Variants in PKIA observed in about 807,000 individuals in gnomAD.
PKIA encodes the protein PKI-alpha.
PKIA carries 4 observed loss-of-function variants against 7.6 expected under a neutral mutation model. The observed-to-expected ratio is 0.52, with a 90% CI of 0.26 to 1.20. PKIA has a LOEUF of 1.20. Ranked by LOEUF, PKIA falls within the 50% of genes most tolerant of loss-of-function variation. The pLI is 0.13. For synonymous variants in PKIA, 21 were observed against 30.7 expected (o/e 0.68, Z 1.04); for missense variants, 73 against 86.2 (o/e 0.85, Z 0.61).
intron 1 of PKIA, among the ~76,000 whole-genome samples, chr8:78,562,941 A>AT (rs1333714947): frequency 6.6e-6 from 1 of 152,180 alleles, no homozygotes; most frequent in Non-Finnish European, 1.5e-5. Flanking sequence ...GAGAGACACT[A>AT]TGAAAAAAAT....
At chr8:78,580,201 T>A (rs1394194904) in intron 2 of PKIA, among the ~76,000 whole-genome samples, 1 of 152,060 alleles carries the variant, frequency 6.6e-6, no homozygotes, top group East Asian at 1.9e-4. Flanking sequence ...TGCTATAAAA[T>A]GATGCATACA....
chr8:78,550,604 C>T (rs1806958027), intron 1 of PKIA, among the ~76,000 whole-genome samples: 2 of 152,040 alleles, frequency 1.3e-5, no homozygotes, highest in Admixed American at 1.3e-4. Context: ...AAAAGACAGA[C>T]ACTCCCCTGA....
chr8:78,544,878 C>A (rs1186166058), intron 1 of PKIA, among the ~76,000 whole-genome samples: 1 of 152,010 alleles, frequency 6.6e-6, no homozygotes, highest in Non-Finnish European at 1.5e-5. Context: ...AAAATGTTAC[C>A]TGCAGATTTA....
chr8:78,559,629 G>A (rs1056273968), intron 1 of PKIA, among the ~76,000 whole-genome samples: 1 of 152,178 alleles, frequency 6.6e-6, no homozygotes, highest in African/African-American at 2.4e-5. Context: ...AAATGTCTGT[G>A]TGATGGAGAT....
chr8:78,563,701 C>T (rs772394984), intron 1 of PKIA, among the ~76,000 whole-genome samples: 2 of 151,788 alleles, frequency 1.3e-5, no homozygotes, highest in Non-Finnish European at 2.9e-5. Context: ...AGAAAGTAAA[C>T]TATTGAGTAA....
At chr8:78,523,909 CAT>C (rs1483928155) in intron 1 of PKIA, among the ~76,000 whole-genome samples, 2 of 130,456 alleles carry the variant, frequency 1.5e-5, no homozygotes, top group Non-Finnish European at 1.6e-5. Flanking sequence ...TATATTTATA[CAT>C]ATATATTTAT....
intron 2 of PKIA, among the ~76,000 whole-genome samples, chr8:78,580,600 A>G (rs1474154957): frequency 6.6e-6 from 1 of 152,056 alleles, no homozygotes; most frequent in Non-Finnish European, 1.5e-5. Context: ...GGAGAAGGAC[A>G]TCTACATGGG....
chr8:78,555,437 C>A (rs1807105521), intron 1 of PKIA, among the ~76,000 whole-genome samples: 1 of 151,970 alleles, frequency 6.6e-6, no homozygotes, highest in Admixed American at 6.6e-5. Flanking sequence ...GGCAAAGAGA[C>A]AAGAGTCTGC....
intron 1 of PKIA, among the ~76,000 whole-genome samples, chr8:78,546,278 C>G (rs1396126851): frequency 6.6e-6 from 1 of 152,076 alleles, no homozygotes; most frequent in African/African-American, 2.4e-5. Context: ...GGAGACCTTT[C>G]GGTATCTTGC....
chr8:78,573,981 A>C (rs1397056664), intron 2 of PKIA, among the ~76,000 whole-genome samples: 1 of 152,030 alleles, frequency 6.6e-6, no homozygotes, highest in Non-Finnish European at 1.5e-5. Context: ...TCTAGTTCTG[A>C]GACTGCTTTT....
intron 2 of PKIA, among the ~76,000 whole-genome samples, chr8:78,574,942 G>T (rs1807638476): frequency 6.6e-6 from 1 of 151,864 alleles, no homozygotes; most frequent in African/African-American, 2.4e-5. Flanking sequence ...TCATTAGGTA[G>T]CATAAAGTTC....
chr8:78,565,740 C>T (rs994914692), intron 1 of PKIA, among the ~76,000 whole-genome samples: 3 of 151,706 alleles, frequency 2.0e-5, no homozygotes, highest in Non-Finnish European at 4.4e-5. Flanking sequence ...GTTTCTTTTA[C>T]AGGACCAGAT....
At chr8:78,559,168 C>A (rs147706928) in intron 1 of PKIA, among the ~76,000 whole-genome samples, 1 of 152,074 alleles carries the variant, frequency 6.6e-6, no homozygotes, top group South Asian at 2.1e-4. Context: ...GTGATCCACC[C>A]GCCTCGGCCT....
At chr8:78,552,029 T>TA (rs1367969276) in intron 1 of PKIA, among the ~76,000 whole-genome samples, 3 of 151,568 alleles carry the variant, frequency 2.0e-5, no homozygotes, top group African/African-American at 7.3e-5. Flanking sequence ...CCTATCTGGT[T>TA]AAAAAAAATT....
At chr8:78,538,378 C>T (rs1217811199) in intron 1 of PKIA, among the ~76,000 whole-genome samples, 1 of 152,000 alleles carries the variant, frequency 6.6e-6, no homozygotes, top group Non-Finnish European at 1.5e-5. Context: ...AATGAGTTTT[C>T]TTGAAAGTCA....
intron 1 of PKIA, among the ~76,000 whole-genome samples, chr8:78,560,180 G>C (rs1807251617): frequency 6.6e-6 from 1 of 152,068 alleles, no homozygotes. Context: ...AGCAGAATCT[G>C]GGAATTTGCA....
chr8:78,539,286 G>A (rs921378024), intron 1 of PKIA, among the ~76,000 whole-genome samples: 12 of 152,074 alleles, frequency 7.9e-5, no homozygotes, highest in African/African-American at 9.7e-5. Context: ...GTGAGGCTGA[G>A]AACCCTGTCT....
intron 1 of PKIA, among the ~76,000 whole-genome samples, chr8:78,527,324 A>G (rs1806265585): frequency 6.6e-6 from 1 of 152,102 alleles, no homozygotes; most frequent in South Asian, 2.1e-4. Context: ...GTATGTACAT[A>G]CAAGTATACA....
At chr8:78,592,276 T>C (rs996011042) in intron 2 of PKIA, among the ~76,000 whole-genome samples, 3 of 152,134 alleles carry the variant, frequency 2.0e-5, no homozygotes, top group African/African-American at 7.2e-5. Flanking sequence ...ATTCACATAT[T>C]TGTTGTGTGC....
Sources: allele counts gnomAD v4.1 joint callset (sites outside exome capture counted in the v4.1 genomes callset), GRCh38; gene constraint gnomAD v4.1.1; transcripts MANE v1.5; gene names NCBI Gene and HGNC (gene_info 2026-07-23, HGNC 2026-07-21).